MCF2L2: variants seen among roughly 807,000 people sequenced by gnomAD.
MCF2L2 encodes the protein probable guanine nucleotide exchange factor MCF2L2.
MCF2L2 carries 102 observed loss-of-function variants against 150.2 expected under a neutral mutation model. The observed-to-expected ratio is 0.68, with a 90% CI of 0.58 to 0.80. The LOEUF (loss-of-function observed/expected upper bound fraction) is 0.80. Ranked by LOEUF, MCF2L2 falls within the 30% of genes least tolerant of loss-of-function variation. The probability of loss-of-function intolerance (pLI) is 0.00; values close to 1 mark genes in which losing one functional copy is unlikely to be tolerated. For missense variants in MCF2L2, 1,256 were observed against 1,372.8 expected, an observed-to-expected ratio of 0.91 and a Z score of 1.34; for synonymous variants, 465 against 491.3, an observed-to-expected ratio of 0.95 and a Z score of 0.71.
intron 5 of MCF2L2, among the ~76,000 whole-genome samples, chr3:183,336,053 C>A (rs935822431): frequency 2.0e-5 from 3 of 152,154 alleles, no homozygotes; most frequent in Non-Finnish European, 2.9e-5. Context: ...TTGTGGACTT[C>A]CCAACCTCCA....
chr3:183,286,511 T>C (rs892579454), intron 14 of MCF2L2, among the ~76,000 whole-genome samples: 2 of 152,094 alleles, frequency 1.3e-5, no homozygotes, highest in Non-Finnish European at 2.9e-5. Context: ...CTTTTAATAA[T>C]CCATGATCCA....
At chr3:183,364,255 G>A (rs1240385617) in intron 3 of MCF2L2, among the ~76,000 whole-genome samples, 4 of 152,120 alleles carry the variant, frequency 2.6e-5, no homozygotes, top group Admixed American at 1.3e-4. Context: ...AGGGGCTTAC[G>A]TCTGTAATCC....
chr3:183,355,590 GCGC>G (rs948432847), intron 3 of MCF2L2, among the ~76,000 whole-genome samples: 1 of 147,552 alleles, frequency 6.8e-6, no homozygotes, highest in African/African-American at 2.5e-5. Flanking sequence ...GGGACTACAG[GCGC>G]CCGCCACCAC....
intron 15 of MCF2L2, among the ~76,000 whole-genome samples, chr3:183,233,772 T>C (rs1723673827): frequency 6.6e-6 from 1 of 152,186 alleles, no homozygotes; most frequent in Admixed American, 6.6e-5. Context: ...CATTTACTGC[T>C]TTTATAATGG....
chr3:183,265,730 C>G (rs1225185366), intron 15 of MCF2L2, among the ~76,000 whole-genome samples: 3 of 152,204 alleles, frequency 2.0e-5, no homozygotes, highest in African/African-American at 7.2e-5. Context: ...AGGAGTTTTA[C>G]TTTTCCTAAA....
At chr3:183,316,280 T>C (rs1190052011) in intron 7 of MCF2L2, among the ~76,000 whole-genome samples, 1 of 149,784 alleles carries the variant, frequency 6.7e-6, no homozygotes, top group Admixed American at 6.7e-5. Context: ...GTCATCAGGA[T>C]TTTACAATTT....
intron 27 of MCF2L2, among the ~76,000 whole-genome samples, chr3:183,186,261 C>T (rs1243315735): frequency 6.6e-6 from 1 of 152,084 alleles, no homozygotes; most frequent in Admixed American, 6.6e-5. Flanking sequence ...AAAAATCATG[C>T]ATATCTTTGT....
chr3:183,234,233 T>C (rs955562890), intron 15 of MCF2L2, among the ~76,000 whole-genome samples: 2 of 152,192 alleles, frequency 1.3e-5, no homozygotes, highest in African/African-American at 4.8e-5. Flanking sequence ...AGCACTGGGC[T>C]TAAGCAACTT....
chr3:183,403,173 G>C (rs1022434060), intron 1 of MCF2L2, among the ~76,000 whole-genome samples: 1 of 152,148 alleles, frequency 6.6e-6, no homozygotes, highest in Non-Finnish European at 1.5e-5. Context: ...TCAGGAGGCT[G>C]AGGCAGGAGA....
intron 4 of MCF2L2, among the ~76,000 whole-genome samples, chr3:183,340,138 T>C (rs1730639541): frequency 6.6e-6 from 1 of 152,186 alleles, no homozygotes; most frequent in South Asian, 2.1e-4. Context: ...CTCTTCCCCA[T>C]CTTTAAATGC....
At chr3:183,334,251 A>G (rs1730380620) in intron 5 of MCF2L2, among the ~76,000 whole-genome samples, 2 of 152,224 alleles carry the variant, frequency 1.3e-5, no homozygotes, top group African/African-American at 4.8e-5. Flanking sequence ...TGTTTCAGGC[A>G]AGAATCTTTA....
At chr3:183,377,799 C>T (rs1713275191) in intron 3 of MCF2L2, 1 of 152,150 alleles carries the variant, frequency 6.6e-6, no homozygotes, top group Non-Finnish European at 1.5e-5. Context: ...AGAGGTGTGC[C>T]ACAGAGAAAC....
intron 3 of MCF2L2, among the ~76,000 whole-genome samples, chr3:183,362,317 C>G (rs958924781): frequency 1.5e-4 from 23 of 152,106 alleles, no homozygotes; most frequent in African/African-American, 5.3e-4. Context: ...CTTGGCCAGG[C>G]TGATCTGGAA....
chr3:183,302,653 G>A (rs1312233196), intron 10 of MCF2L2, among the ~76,000 whole-genome samples: 5 of 152,112 alleles, frequency 3.3e-5, no homozygotes, highest in Admixed American at 6.5e-5. Context: ...GAATCCAGCC[G>A]AGAGATACGG....
chr3:183,295,597 C>T (rs567336368), intron 12 of MCF2L2, 120 bp from the exon 13 acceptor site: 6 of 911,308 alleles, frequency 6.6e-6, no homozygotes, highest in Non-Finnish European at 1.0e-5. Flanking sequence ...CTCAGGTGAC[C>T]CCCTCTGGGC....
At chr3:183,228,684 G>T (rs754960351) in intron 17 of MCF2L2, among the ~76,000 whole-genome samples, 1 of 152,098 alleles carries the variant, frequency 6.6e-6, no homozygotes, top group Admixed American at 6.6e-5. Flanking sequence ...AGGCACAGGG[G>T]GTCAGGATCA....
chr3:183,411,545 T>C (rs1715316279), intron 1 of MCF2L2, among the ~76,000 whole-genome samples: 1 of 151,900 alleles, frequency 6.6e-6, no homozygotes, highest in South Asian at 2.1e-4. Flanking sequence ...ATTTCAAGTA[T>C]CTGGCAAAGA....
At chr3:183,189,068 C>A (rs528601355) in intron 27 of MCF2L2, among the ~76,000 whole-genome samples, 1 of 152,042 alleles carries the variant, frequency 6.6e-6, no homozygotes, top group Non-Finnish European at 1.5e-5. Context: ...CAGTACCAAA[C>A]TGGGGGCTCA....
chr3:183,378,240 G>C (rs982776139), intron 3 of MCF2L2: 5 of 152,250 alleles, frequency 3.3e-5, no homozygotes, highest in African/African-American at 7.2e-5. Flanking sequence ...CTATAGTCAA[G>C]GGAGGGGTGG....
Sources: gnomAD v4.1 joint callset for allele counts (sites outside exome capture counted in the v4.1 genomes callset) on GRCh38, gnomAD v4.1.1 for gene constraint, MANE v1.5 for transcripts, NCBI Gene and HGNC (gene_info 2026-07-23, HGNC 2026-07-21) for gene names.